The following ELFN1 variants were observed in gnomAD, a reference collection of about 807,000 sequenced individuals.
ELFN1 encodes the protein extracellular leucine rich repeat and fibronectin type III domain containing 1.
A neutral mutation model predicts 7.6 loss-of-function variants in ELFN1; 6 were observed. That is an observed-to-expected ratio of 0.79 (90% confidence interval 0.43 to 1.56). The LOEUF (loss-of-function observed/expected upper bound fraction) is 1.56. ELFN1 is among the 40% of genes most tolerant of loss of function. The pLI is 0.01. For missense variants in ELFN1, 1,169 were observed against 1,232.2 expected (o/e 0.95, Z 0.77); for synonymous variants, 657 against 588.1 (o/e 1.12, Z -1.70).
At chr7:1,707,161 C>T (rs1262275032) in intron 2 of ELFN1, among the ~76,000 whole-genome samples, 5 of 152,230 alleles carry the variant, frequency 3.3e-5, no homozygotes, top group East Asian at 1.9e-4. Context: ...ATGCAGAGCC[C>T]GCTCCCAAGG....
chr7:1,728,060 G>A (rs1013023988), intron 3 of ELFN1, among the ~76,000 whole-genome samples: 1 of 152,204 alleles, frequency 6.6e-6, no homozygotes, highest in African/African-American at 2.4e-5. Context: ...GAGCCATTGA[G>A]AGGCAGGGCC....
At chr7:1,729,761 T>G (rs184135701) in intron 3 of ELFN1, among the ~76,000 whole-genome samples, 17 of 152,352 alleles carry the variant, frequency 1.1e-4, no homozygotes, top group African/African-American at 3.8e-4. Context: ...AGTCCTGCCT[T>G]GAGCCCCTAT....
intron 3 of ELFN1, among the ~76,000 whole-genome samples, chr7:1,719,683 C>G (rs924430838): frequency 6.6e-6 from 1 of 152,182 alleles, no homozygotes; most frequent in African/African-American, 2.4e-5. Context: ...TCTTGAAAAC[C>G]AAAGACACAA....
chr7:1,698,091 C>T (rs537560608), intron 2 of ELFN1, among the ~76,000 whole-genome samples: 1 of 152,218 alleles, frequency 6.6e-6, no homozygotes, highest in Non-Finnish European at 1.5e-5. Context: ...TACCATCTCT[C>T]CTGGCCTTCT....
rs899451297 is a variant in ELFN1 at position 1,695,759 on chromosome 7, A to C, written c.-456+7609A>C. Among the ~76,000 whole-genome samples, 18 of 151,320 alleles carry C rather than the reference A, an allele frequency of 1.2e-4. No individual in the cohort carries two copies. In the South Asian group the frequency reaches 2.5e-3, roughly 21 times the overall value. The stretch of plus-strand genomic sequence containing the variant: ...CGAGACTCCGTGTCAAAAAAAAAAA[A>C]AAAAAAAAAAAAACCGTGCTGGTTT... On this transcript the variant is annotated intron_variant, in intron 2 of 3. Transcript: ENST00000424383. The surrounding 1 kb of genome is among the most constrained non-coding windows in gnomAD (Gnocchi z 5.1).
chr7:1,746,908 G>A lies in ELFN1; in HGVS notation c.2312G>A (p.Arg771Gln), dbSNP rs1020517722. Reference sequence around the variant, plus strand: ...TCCTCCAGCCCCGAGTACACCTGCCGGGCCTCCCAGAGCATCTGGGAGCGC... The same window carrying A: ...TCCTCCAGCCCCGAGTACACCTGCCAGGCCTCCCAGAGCATCTGGGAGCGC... ...SYSSSPEYTC[R>Q]ASQSIWERFR... Residue 771 changes from arginine (R) to glutamine (Q), a missense_variant, in exon 4 of 4, where the codon CGG becomes CAG. Coordinates refer to ENST00000424383, the MANE Select transcript of ELFN1 (RefSeq NM_001128636.4). 3 of 1,547,788 alleles carry A rather than the reference G, an allele frequency of 1.9e-6. No homozygotes were observed. Among genetic ancestry groups the A allele is most frequent in the East Asian group, 2.5e-5 (1 of 40,780 alleles).
chr7:1,705,533 C>A lies in ELFN1; in HGVS notation c.-455-3558C>A, dbSNP rs1029304215. 3.9e-5 allele frequency among the ~76,000 whole-genome samples: 6 copies of A among 152,220 alleles called. No homozygotes were observed. Among genetic ancestry groups the A allele is most frequent in the Non-Finnish European group, 8.8e-5 (6 of 68,042 alleles). ...TGCCCGAGGGCACTGCTGGGCCCCCCTTCCGACGGCACACAGTGGGCACCT... is the reference window on the plus strand; with the variant it reads ...TGCCCGAGGGCACTGCTGGGCCCCCATTCCGACGGCACACAGTGGGCACCT... On this transcript the variant is annotated intron_variant, in intron 2 of 3. Coordinates refer to ENST00000424383, the MANE Select transcript of ELFN1 (RefSeq NM_001128636.4). The surrounding 1 kb of genome is among the most constrained non-coding windows in gnomAD (Gnocchi z 4.3).
chr7:1,672,089 T>A (rs1449436640), intron 1 of ELFN1, among the ~76,000 whole-genome samples: 3 of 152,178 alleles, frequency 2.0e-5, no homozygotes, highest in East Asian at 3.9e-4. Context: ...TGTGTGCGTA[T>A]AATTCAGGAT....
upstream of ELFN1, among the ~76,000 whole-genome samples, chr7:1,666,338 C>A (rs1275218647): frequency 6.6e-6 from 1 of 151,984 alleles, no homozygotes; most frequent in Non-Finnish European, 1.5e-5. The surrounding 1 kb of genome is among the most constrained non-coding windows in gnomAD (Gnocchi z 7.9). Context: ...GCAGCCCGGG[C>A]CACCCCATCC....
Position 1,747,127 on chromosome 7 carries a change from G to A in ELFN1, c.*44G>A. Reference sequence around the variant, plus strand: ...TGCCCACTGGACCAAAAAGGATGCAGGATCCACCCAGAGACTCAGCACCAA... The same window carrying A: ...TGCCCACTGGACCAAAAAGGATGCAAGATCCACCCAGAGACTCAGCACCAA... On this transcript the variant is annotated 3_prime_UTR_variant, in exon 4 of 4. Transcript: ENST00000424383. 3 of 1,433,174 alleles carry A rather than the reference G, an allele frequency of 2.1e-6. No individual in the cohort carries two copies. Among genetic ancestry groups the A allele is most frequent in the Non-Finnish European group, 2.8e-6 (3 of 1,087,858 alleles). 88.8% of individuals were successfully genotyped at this position (1,433,174 alleles called of 1,614,324 possible). A position where few individuals can be genotyped will look rare whatever the true frequency, so the allele number is the denominator to read the frequency against.
At chr7:1,741,967 TAC>T (rs796598680) in intron 3 of ELFN1, among the ~76,000 whole-genome samples, 11 of 151,792 alleles carry the variant, frequency 7.2e-5, no homozygotes, top group Admixed American at 5.3e-4. Context: ...CACACATCTG[TAC>T]ACACACACAG....
chr7:1,682,378 A>G (rs1296406462), intron 1 of ELFN1, among the ~76,000 whole-genome samples: 1 of 152,180 alleles, frequency 6.6e-6, no homozygotes, highest in Admixed American at 6.5e-5. Context: ...CATAAATGGA[A>G]AAGTTTATTT....
chr7:1,688,857 C>T (rs1246757468), intron 2 of ELFN1, among the ~76,000 whole-genome samples: 1 of 152,180 alleles, frequency 6.6e-6, no homozygotes, highest in Non-Finnish European at 1.5e-5. Context: ...CTCACCCCAT[C>T]CCATCTCTGA....
chr7:1,707,984 C>A (rs576411038), intron 2 of ELFN1, among the ~76,000 whole-genome samples: 1 of 152,142 alleles, frequency 6.6e-6, no homozygotes, highest in Non-Finnish European at 1.5e-5. Flanking sequence ...CCTCCAGGGG[C>A]GCGGATGCGG....
At chr7:1,725,113 C>T (rs1212077481) in intron 3 of ELFN1, among the ~76,000 whole-genome samples, 1 of 152,232 alleles carries the variant, frequency 6.6e-6, no homozygotes, top group Non-Finnish European at 1.5e-5. Flanking sequence ...AAAGGGGTCT[C>T]CCAGAAGTGG....
intron 3 of ELFN1, among the ~76,000 whole-genome samples, chr7:1,715,931 CCTCTGACCCCTGGT>C (rs1240579843): frequency 2.0e-5 from 3 of 152,208 alleles, no homozygotes; most frequent in African/African-American, 7.2e-5. Flanking sequence ...TGAACTCTGG[CCTCTGACCCCTGGT>C]CTCTGACCTG....
intron 1 of ELFN1, among the ~76,000 whole-genome samples, chr7:1,682,232 T>G (rs1778986706): frequency 6.6e-6 from 1 of 152,236 alleles, no homozygotes; most frequent in South Asian, 2.1e-4. Flanking sequence ...AGGACGTTTA[T>G]AGCCTTAGCT....
chr7:1,677,264 C>T (rs1217966182), intron 1 of ELFN1, among the ~76,000 whole-genome samples: 1 of 152,194 alleles, frequency 6.6e-6, no homozygotes, highest in Admixed American at 6.5e-5. Flanking sequence ...ATGAACCCCC[C>T]AGAATGGATT....
chr7:1,716,506 C>G (rs532335699), intron 3 of ELFN1, among the ~76,000 whole-genome samples: 1 of 152,214 alleles, frequency 6.6e-6, no homozygotes, highest in East Asian at 1.9e-4. Flanking sequence ...TGTGTGCGTG[C>G]GTGTTTGTGT....
Sources: gnomAD v4.1 joint callset for allele counts (sites outside exome capture counted in the v4.1 genomes callset) on GRCh38, gnomAD v4.1.1 for gene constraint, Gnocchi (gnomAD v3.1) non-coding constraint, MANE v1.5 for transcripts, NCBI Gene and HGNC (gene_info 2026-07-23, HGNC 2026-07-21) for gene names.